SFTPB: variants seen among roughly 807,000 people sequenced by gnomAD.
SFTPB encodes the protein pulmonary surfactant-associated protein B.
A neutral mutation model predicts 51.0 loss-of-function variants in SFTPB; 32 were observed. The observed-to-expected ratio is 0.63, with a 90% CI of 0.47 to 0.84. The LOEUF (loss-of-function observed/expected upper bound fraction) is 0.84. Among genes scored for constraint, SFTPB ranks in the 40% least tolerant of loss-of-function variants. The pLI is 0.00. For missense variants in SFTPB, 431 were observed against 491.2 expected (o/e 0.88, Z 1.16); for synonymous variants, 211 against 208.5 (o/e 1.01, Z -0.10).
At chr2:85,664,874 A>T (rs921412670) in intron 6 of SFTPB, among the ~76,000 whole-genome samples, 1 of 152,068 alleles carries the variant, frequency 6.6e-6, no homozygotes, top group Admixed American at 6.6e-5. Context: ...GGTCTGGAAG[A>T]CTCCAAGTTG....
intron 9 of SFTPB, among the ~76,000 whole-genome samples, chr2:85,661,812 G>A (rs559393073): frequency 2.1e-4 from 32 of 152,238 alleles, no homozygotes; most frequent in African/African-American, 7.0e-4. Context: ...ACATCCAGCC[G>A]CACTCCTCAG....
intron 1 of SFTPB, 59 bp downstream of exon 1, chr2:85,668,051 TAGCACAA>T: frequency 3.0e-6 from 4 of 1,352,438 alleles, no homozygotes; most frequent in Non-Finnish European, 4.1e-6. Flanking sequence ...GGTTAATGCC[TAGCACAA>T]AGCAGTGCTC....
At chr2:85,663,268 G>T (rs1677399061) in intron 8 of SFTPB, 78 bp downstream of exon 8, 2 of 1,584,230 alleles carry the variant, frequency 1.3e-6, no homozygotes, top group Non-Finnish European at 1.7e-6. Flanking sequence ...GGTGTCTCTG[G>T]CTGCAAAGCC....
Position 85,666,820 on chromosome 2 carries a change from C to T in SFTPB, c.268-78G>A. 3 of 1,585,584 alleles carry T rather than the reference C, an allele frequency of 1.9e-6. No homozygotes were observed. The South Asian group carries it at 3.3e-5, about 18-fold the overall frequency. On this transcript the variant is annotated intron_variant, in intron 3 of 10. Coordinates refer to ENST00000519937, the MANE Select transcript of SFTPB (RefSeq NM_000542.5). The stretch of plus-strand genomic sequence containing the variant: ...CAAGTCCCTGGACACAAGGCCCCAC[C>T]AGGGCAGACTGACCCCTAATCCCCC...
intron 10 of SFTPB, 194 bp downstream of exon 10, chr2:85,661,260 C>T (rs192809428): frequency 1.5e-4 from 75 of 494,650 alleles, no homozygotes; most frequent in African/African-American, 7.6e-4. Context: ...GGGCAGTGCT[C>T]GGGGTCCGGA....
chr2:85,662,698 G>T (rs753292231), intron 8 of SFTPB, among the ~76,000 whole-genome samples: 1 of 151,884 alleles, frequency 6.6e-6, no homozygotes. Flanking sequence ...AAAATTAGCC[G>T]GGCCTGGTAG....
chr2:85,664,237 T>C (rs771950594), intron 6 of SFTPB, among the ~76,000 whole-genome samples: 1 of 152,064 alleles, frequency 6.6e-6, no homozygotes, highest in Non-Finnish European at 1.5e-5. Context: ...GTTTTTTTGC[T>C]CAAACCTGTT....
At chr2:85,660,886 C>T (rs1222974383) in intron 10 of SFTPB, among the ~76,000 whole-genome samples, 14 of 152,166 alleles carry the variant, frequency 9.2e-5, no homozygotes, top group Admixed American at 9.2e-4. Flanking sequence ...GTGTCCTGCC[C>T]TCTCAGGGTC....
chr2:85,664,440 C>G (rs958708628), intron 6 of SFTPB, among the ~76,000 whole-genome samples: 1 of 152,298 alleles, frequency 6.6e-6, no homozygotes, highest in South Asian at 2.1e-4. Flanking sequence ...CATCACCTCT[C>G]ACTGCAATCT....
In SFTPB at chr2:85,667,165, G is replaced by A; in HGVS notation, c.208C>T (p.Gln70Ter). The A allele has an allele frequency of 6.2e-7, 1 of 1,613,840 alleles. No individual in the cohort carries two copies. Among genetic ancestry groups the A allele is most frequent in the Non-Finnish European group, 8.5e-7 (1 of 1,179,740 alleles). ...ATGTGGACGATGTCCTCACACTCTT[G>A]GCATAGGTCATCCTGGGGAGGGAGG... ...WGHVGADDLC[Q>*]ECEDIVHILN... is the part of the protein sequence containing the mutation. The change falls in exon 3 of 11, where the codon CAA (glutamine) becomes TAA (stop). Residue 70 changes from glutamine to a stop codon, truncating the protein, a stop_gained. Transcript: ENST00000519937. LOFTEE classifies it high-confidence loss of function.
chr2:85,661,197 G>A (rs1166080330), intron 10 of SFTPB: 2 of 405,952 alleles, frequency 4.9e-6, no homozygotes, highest in Admixed American at 3.6e-5. Flanking sequence ...GGCAGGGCGG[G>A]GGGTTGGGGG....
chr2:85,662,233 C>T (rs1242338157), intron 8 of SFTPB, 124 bp from the exon 9 acceptor site: 46 of 1,530,820 alleles, frequency 3.0e-5, no homozygotes, highest in Admixed American at 9.9e-5. Flanking sequence ...TCAGCCCTCA[C>T]GGAACACCTC....
rs773204473 is a variant in SFTPB, at chr2:85,661,470, T to A, written c.*3A>T. On this transcript the variant is annotated 3_prime_UTR_variant, in exon 10 of 11. Transcript: ENST00000519937. ...TGGACTCACCTGGACAGCTGAGTTC[T>A]CATCAAAGGTCGGGGCTGTGGATAC... The A allele has an allele frequency of 3.7e-6, 6 of 1,610,156 alleles. No individual in the cohort carries two copies. In the African/African-American group the frequency reaches 8.0e-5, roughly 22 times the overall value.
rs1166196714 is a variant in SFTPB, at chr2:85,668,036, A to G, written c.67+81T>C. Reference sequence around the variant, plus strand: ...TGCCTTGTCTTTAAAATGAGGACAGACTTGGGTTAATGCCTAGCACAAAGC... The same window carrying G: ...TGCCTTGTCTTTAAAATGAGGACAGGCTTGGGTTAATGCCTAGCACAAAGC... On this transcript the variant is annotated intron_variant, in intron 1 of 10. Coordinates refer to ENST00000519937, the MANE Select transcript of SFTPB (RefSeq NM_000542.5). 24 of 1,284,906 alleles carry G rather than the reference A, an allele frequency of 1.9e-5. No individual in the cohort carries two copies. In the East Asian group the frequency reaches 4.8e-4, roughly 26 times the overall value. 79.6% of individuals were successfully genotyped at this position (1,284,906 alleles called of 1,614,324 possible).
chr2:85,667,171 G>C lies in SFTPB; in HGVS notation c.202C>G (p.Leu68Val), dbSNP rs1329909080. The C allele has an allele frequency of 6.2e-7, 1 of 1,613,608 alleles. No homozygotes were observed. The highest frequency in any genetic ancestry group is 8.5e-7 in the Non-Finnish European group (1 of 1,179,650). Residue 68 changes from leucine to valine, a missense_variant, in exon 3 of 11, where the codon CTA becomes GTA. Coordinates refer to ENST00000519937, the MANE Select transcript of SFTPB (RefSeq NM_000542.5). ...ACGATGTCCTCACACTCTTGGCATA[G>C]GTCATCCTGGGGAGGGAGGGGCCCC... Reference protein sequence around the residue: ...EVWGHVGADDLCQECEDIVHI... With the variant: ...EVWGHVGADDVCQECEDIVHI...
At chr2:85,660,464 T>C (rs1261384212) in intron 10 of SFTPB, among the ~76,000 whole-genome samples, 3 of 142,374 alleles carry the variant, frequency 2.1e-5, no homozygotes, top group Admixed American at 7.3e-5. Context: ...TTTTTTTTTT[T>C]CCTGAGACAG....
chr2:85,668,267 C>T (rs750904382), upstream of SFTPB: 12 of 1,319,652 alleles, frequency 9.1e-6, no homozygotes, highest in South Asian at 2.5e-5. Context: ...GGAGTGGCAG[C>T]GACCTCAGTG....
intron 10 of SFTPB, among the ~76,000 whole-genome samples, chr2:85,660,973 G>A (rs1052629065): frequency 2.6e-5 from 4 of 152,154 alleles, no homozygotes; most frequent in Non-Finnish European, 5.9e-5. Flanking sequence ...AAGGTGCTCC[G>A]CTGACTTAGA....
chr2:85,668,346 T>G, upstream of SFTPB: 2 of 682,888 alleles, frequency 2.9e-6, no homozygotes, highest in Non-Finnish European at 5.3e-6. Flanking sequence ...CACTCCTGCC[T>G]GCCTTACCAC....
Sources: allele counts gnomAD v4.1 joint callset (sites outside exome capture counted in the v4.1 genomes callset), GRCh38; gene constraint gnomAD v4.1.1; transcripts MANE v1.5; gene names NCBI Gene and HGNC (gene_info 2026-07-23, HGNC 2026-07-21).